The following MAST4 variants were observed in gnomAD, a reference collection of about 807,000 sequenced individuals.
MAST4 encodes microtubule associated serine/threonine kinase family member 4.
Under a neutral mutation model 162.7 loss-of-function variants are expected in MAST4, and 89 were observed. The observed-to-expected ratio is 0.55, with a 90% confidence interval of 0.46 to 0.65. MAST4 has a LOEUF of 0.65. MAST4 is among the 30% of genes least tolerant of loss of function. The pLI, the probability that MAST4 is intolerant of heterozygous loss-of-function variation, is 0.00. For synonymous variants in MAST4, 1,479 were observed against 1,361.1 expected (o/e 1.09, Z -1.91); for missense variants, 3,153 against 3,374.0 (o/e 0.93, Z 1.62).
chr5:67,032,827 A>G (rs1755516882), intron 4 of MAST4, among the ~76,000 whole-genome samples: 1 of 152,180 alleles, frequency 6.6e-6, no homozygotes, highest in Non-Finnish European at 1.5e-5. Flanking sequence ...AGAAATACAC[A>G]AACACACTTA....
intron 3 of MAST4, among the ~76,000 whole-genome samples, chr5:66,876,094 T>A (rs1166789065): frequency 6.6e-6 from 1 of 152,192 alleles, no homozygotes; most frequent in African/African-American, 2.4e-5. Flanking sequence ...TTTAAAAAAA[T>A]GCTTATCGTA....
chr5:67,137,658 A>G (rs866575471), intron 19 of MAST4, among the ~76,000 whole-genome samples: 22 of 152,208 alleles, frequency 1.4e-4, no homozygotes, highest in East Asian at 7.7e-4. Context: ...TTACCTAAGT[A>G]TAGACGAATG....
At chr5:67,016,908 G>T (rs888690113) in intron 4 of MAST4, among the ~76,000 whole-genome samples, 1 of 152,184 alleles carries the variant, frequency 6.6e-6, no homozygotes, top group Non-Finnish European at 1.5e-5. Flanking sequence ...AATTCTTTCT[G>T]ATTATGGATG....
chr5:66,677,583 G>C (rs546468255), intron 1 of MAST4, among the ~76,000 whole-genome samples: 1 of 152,328 alleles, frequency 6.6e-6, no homozygotes, highest in South Asian at 2.1e-4. Flanking sequence ...CTGCATCTCT[G>C]AGACTAGTAA....
At chr5:67,066,618 C>G (rs994438624) in intron 5 of MAST4, among the ~76,000 whole-genome samples, 1 of 152,084 alleles carries the variant, frequency 6.6e-6, no homozygotes. Flanking sequence ...ACTGCCTCCC[C>G]CTAATGGACA....
chr5:67,049,310 CA>C (rs2150532461), intron 4 of MAST4, among the ~76,000 whole-genome samples: 1 of 151,108 alleles, frequency 6.6e-6, no homozygotes, highest in Non-Finnish European at 1.5e-5. Flanking sequence ...TTTTTGAGAC[CA>C]AAAAAAGTAA....
chr5:66,834,444 C>G (rs1213940389), intron 3 of MAST4, among the ~76,000 whole-genome samples: 1 of 152,142 alleles, frequency 6.6e-6, no homozygotes, highest in Non-Finnish European at 1.5e-5. Context: ...TTAGCAGAAG[C>G]CAGCTTAGAC....
At chr5:66,806,016 T>C (rs981632004) in intron 3 of MAST4, among the ~76,000 whole-genome samples, 9 of 152,194 alleles carry the variant, frequency 5.9e-5, no homozygotes, top group African/African-American at 2.4e-5. Flanking sequence ...ATGGAAACTT[T>C]TTCTTGCTGG....
rs189840842 is a variant in MAST4, at chr5:66,957,137, A to C, written c.674+57155A>C. Among the ~76,000 whole-genome samples, 10 of 152,290 alleles carry C rather than the reference A, an allele frequency of 6.6e-5. No homozygotes were observed. In the East Asian group the frequency reaches 1.9e-3, roughly 29 times the overall value. On this transcript the variant is annotated intron_variant, in intron 4 of 28. Transcript: ENST00000403625. Reference sequence around the variant, plus strand: ...ATCTGTGTGTAGAAGGCTATTGAATAATATTCTAATGTGTTTCCTGAGATG... The same window carrying C: ...ATCTGTGTGTAGAAGGCTATTGAATCATATTCTAATGTGTTTCCTGAGATG...
chr5:66,887,743 C>A (rs574535831), intron 3 of MAST4, among the ~76,000 whole-genome samples: 11 of 152,298 alleles, frequency 7.2e-5, no homozygotes, highest in African/African-American at 2.6e-4. Context: ...ATGTCCCTTT[C>A]AAGAATAAAG....
chr5:66,724,235 A>G lies in MAST4; in HGVS notation c.364-35474A>G, dbSNP rs1290622350. On this transcript the variant is annotated intron_variant, in intron 1 of 28. Transcript: ENST00000403625. ...CAGTTACAACAACATTTGATTCGTG[A>G]TATTTTAGTTGTAGGTTGTTGATTT... 2.0e-5 allele frequency among the ~76,000 whole-genome samples: 3 copies of G among 152,242 alleles called. No homozygotes were observed. In the East Asian group the frequency reaches 5.8e-4, roughly 29 times the overall value.
At chr5:66,847,206 C>T (rs1224518899) in intron 3 of MAST4, among the ~76,000 whole-genome samples, 1 of 151,950 alleles carries the variant, frequency 6.6e-6, no homozygotes, top group Non-Finnish European at 1.5e-5. Flanking sequence ...GTAGATCTGT[C>T]TTAATTCTGT....
intron 4 of MAST4, among the ~76,000 whole-genome samples, chr5:66,976,488 G>A (rs1303759916): frequency 1.3e-5 from 2 of 152,214 alleles, no homozygotes; most frequent in African/African-American, 2.4e-5. Context: ...GGGAGCTCTC[G>A]GACTTGTATG....
At chr5:67,061,993 T>C (rs1041743178) in intron 5 of MAST4, among the ~76,000 whole-genome samples, 3 of 152,216 alleles carry the variant, frequency 2.0e-5, no homozygotes, top group African/African-American at 7.2e-5. Flanking sequence ...CCATCAGATT[T>C]TCATGCAGTG....
intron 4 of MAST4, among the ~76,000 whole-genome samples, chr5:67,043,899 G>C (rs933275390): frequency 1.3e-5 from 2 of 152,000 alleles, no homozygotes; most frequent in Non-Finnish European, 2.9e-5. Flanking sequence ...CAACCACTTG[G>C]ATGTCTGTCT....
At chr5:66,879,043 G>A (rs1266165064) in intron 3 of MAST4, among the ~76,000 whole-genome samples, 2 of 152,214 alleles carry the variant, frequency 1.3e-5, no homozygotes, top group African/African-American at 4.8e-5. Context: ...ACTTTGGGAG[G>A]CCAAGGCTGG....
chr5:66,724,134 T>G (rs1392854656), intron 1 of MAST4, among the ~76,000 whole-genome samples: 3 of 152,196 alleles, frequency 2.0e-5, no homozygotes, highest in Admixed American at 6.5e-5. Flanking sequence ...GTTGGCCCAC[T>G]TTACCAAGCA....
chr5:66,905,679 A>G (rs1163115834), intron 4 of MAST4, among the ~76,000 whole-genome samples: 2 of 152,172 alleles, frequency 1.3e-5, no homozygotes, highest in Non-Finnish European at 2.9e-5. Flanking sequence ...ATTTTCAGGA[A>G]ATATAAGACA....
intron 3 of MAST4, among the ~76,000 whole-genome samples, chr5:66,816,369 T>C (rs749464132): frequency 6.6e-6 from 1 of 152,184 alleles, no homozygotes; most frequent in African/African-American, 2.4e-5. Context: ...GTGCTTCCTT[T>C]CCCTCTGTTT....
Sources: gnomAD v4.1 joint callset for allele counts (sites outside exome capture counted in the v4.1 genomes callset) on GRCh38, gnomAD v4.1.1 for gene constraint, MANE v1.5 for transcripts, NCBI Gene and HGNC (gene_info 2026-07-23, HGNC 2026-07-21) for gene names.